Variants in TAF1B observed in about 807,000 individuals in gnomAD.
The protein encoded by TAF1B is TATA-box binding protein associated factor, RNA polymerase I subunit B, also known as TATA box-binding protein-associated factor RNA polymerase I subunit B.
A neutral mutation model predicts 83.9 loss-of-function variants in TAF1B; 61 were observed. The ratio of observed to expected loss-of-function variants is 0.73; its 90% confidence interval spans 0.59 to 0.90. The LOEUF (loss-of-function observed/expected upper bound fraction) is 0.90, where lower values mean the gene tolerates loss of function less well. Ranked by LOEUF, TAF1B falls within the 40% of genes least tolerant of loss-of-function variation. The pLI, the probability that TAF1B is intolerant of heterozygous loss-of-function variation, is 0.00. For missense variants in TAF1B, 625 were observed against 677.0 expected, an observed-to-expected ratio of 0.92 and a Z score of 0.85; for synonymous variants, 221 against 224.6, an observed-to-expected ratio of 0.98 and a Z score of 0.14.
Position 9,854,769 on chromosome 2 carries a change from A to C in TAF1B, c.399+348A>C, listed in dbSNP as rs187536293. Reference sequence around the variant, plus strand: ...AATGTATTTATTCTGTTTGCTTGGAATACCTACTTACTTTATGTGGCATTT... The same window carrying C: ...AATGTATTTATTCTGTTTGCTTGGACTACCTACTTACTTTATGTGGCATTT... On this transcript the variant is annotated intron_variant, in intron 5 of 14. Coordinates refer to ENST00000263663, the MANE Select transcript of TAF1B (RefSeq NM_005680.3). 6.7e-3 allele frequency among the ~76,000 whole-genome samples: 1,027 copies of C among 152,304 alleles called. 11 individuals are homozygous for C. The highest frequency in any genetic ancestry group is 0.022 in the African/African-American group (899 of 41,556).
chr2:9,924,345 C>G (rs1445992159), intron 14 of TAF1B, among the ~76,000 whole-genome samples: 1 of 152,164 alleles, frequency 6.6e-6, no homozygotes, highest in Non-Finnish European at 1.5e-5. Context: ...TTCCAAACTC[C>G]TCATCATCAA....
At chr2:9,908,402 T>G (rs1341249155) in intron 9 of TAF1B, among the ~76,000 whole-genome samples, 2 of 152,180 alleles carry the variant, frequency 1.3e-5, no homozygotes, top group Admixed American at 1.3e-4. Flanking sequence ...TTTTTTAGAA[T>G]AATAATACTA....
chr2:9,862,433 A>G (rs1663805906), intron 5 of TAF1B, among the ~76,000 whole-genome samples: 1 of 152,224 alleles, frequency 6.6e-6, no homozygotes, highest in Non-Finnish European at 1.5e-5. Context: ...TCCCAGAAAT[A>G]TGGGACTATG....
At chr2:9,907,312 A>G (rs1385584637) in intron 9 of TAF1B, among the ~76,000 whole-genome samples, 1 of 152,038 alleles carries the variant, frequency 6.6e-6, no homozygotes, top group East Asian at 1.9e-4. Context: ...TAAGATTACA[A>G]GAGTATTTCC....
chr2:9,854,989 G>A (rs1353702661), intron 5 of TAF1B, among the ~76,000 whole-genome samples: 1 of 145,706 alleles, frequency 6.9e-6, no homozygotes, highest in Non-Finnish European at 1.5e-5. Context: ...AATTTTTTTT[G>A]TTCATTTGTT....
intron 12 of TAF1B, among the ~76,000 whole-genome samples, chr2:9,915,619 AAAAC>A (rs1376715825): frequency 2.0e-5 from 3 of 152,192 alleles, no homozygotes; most frequent in African/African-American, 7.2e-5. Flanking sequence ...AAACAAAACA[AAAAC>A]AAAAACTGAT....
At chr2:9,862,829 A>G (rs1475373993) in intron 5 of TAF1B, among the ~76,000 whole-genome samples, 1 of 152,238 alleles carries the variant, frequency 6.6e-6, no homozygotes, top group Non-Finnish European at 1.5e-5. Flanking sequence ...CTATAATTTC[A>G]TATCCAGCCA....
In TAF1B at chr2:9,904,835, A is replaced by G. The variant is rs377093361; in HGVS notation, c.808-24A>G. 10 of 1,600,770 alleles carry G rather than the reference A, an allele frequency of 6.2e-6. No homozygotes were observed. The Admixed American group carries it at 7.0e-5, about 11-fold the overall frequency. On this transcript the variant is annotated intron_variant, in intron 8 of 14. Coordinates refer to ENST00000263663, the MANE Select transcript of TAF1B (RefSeq NM_005680.3). ...AAGTTTTGTTGCAAAAATTGCAACT[A>G]TGATGGTCTCTCTTTTATTTCAGTC...
At chr2:9,870,130 ACT>A (rs1164399210) in intron 6 of TAF1B, among the ~76,000 whole-genome samples, 2 of 152,050 alleles carry the variant, frequency 1.3e-5, no homozygotes, top group Admixed American at 6.6e-5. Context: ...TTAAATCAAA[ACT>A]CTACAAATCA....
rs543757476 is a variant in TAF1B at position 9,896,320 on chromosome 2, C to T, written c.808-8539C>T. Among the ~76,000 whole-genome samples, 79 of 152,174 alleles carry T rather than the reference C, an allele frequency of 5.2e-4. 1 individual carries two copies. The highest frequency in any genetic ancestry group is 1.8e-3 in the African/African-American group (73 of 41,542). On this transcript the variant is annotated intron_variant, in intron 8 of 14. Transcript: ENST00000263663. Reference sequence around the variant, plus strand: ...CTTCATTGTGTGCTTTTTGCTATTGCTCACAAAAGTGCATTCACTATTCTA... The same window carrying T: ...CTTCATTGTGTGCTTTTTGCTATTGTTCACAAAAGTGCATTCACTATTCTA...
rs16867200 is a variant in TAF1B, at chr2:9,854,443, T to C, written c.399+22T>C. On this transcript the variant is annotated intron_variant, in intron 5 of 14. Coordinates refer to ENST00000263663, the MANE Select transcript of TAF1B (RefSeq NM_005680.3). Reference sequence around the variant, plus strand: ...TACGGTAAGTCACAAGTCTGAAAAGTTGGATTAAAAAACATGTCTGTTGAG... The same window carrying C: ...TACGGTAAGTCACAAGTCTGAAAAGCTGGATTAAAAAACATGTCTGTTGAG... 4,440 of 1,582,174 alleles carry C rather than the reference T, an allele frequency of 2.8e-3. 103 individuals carry two copies. The African/African-American group carries it at 0.051, about 18-fold the overall frequency.
chr2:9,916,278 A>T (rs1665678808), intron 12 of TAF1B, among the ~76,000 whole-genome samples: 1 of 152,234 alleles, frequency 6.6e-6, no homozygotes, highest in Admixed American at 6.5e-5. Context: ...TATAGATAAC[A>T]TGTAACTGGA....
intron 11 of TAF1B, among the ~76,000 whole-genome samples, chr2:9,912,868 G>C (rs1665575231): frequency 1.3e-5 from 2 of 152,168 alleles, no homozygotes; most frequent in Non-Finnish European, 2.9e-5. Context: ...AGGTCATATT[G>C]GATTAAACAA....
intron 9 of TAF1B, among the ~76,000 whole-genome samples, chr2:9,907,275 A>C (rs1241903797): frequency 6.6e-6 from 1 of 151,828 alleles, no homozygotes; most frequent in Non-Finnish European, 1.5e-5. Context: ...TAAAATGTTT[A>C]CAGTTGGTTT....
intron 6 of TAF1B, among the ~76,000 whole-genome samples, chr2:9,873,820 A>G (rs183224821): frequency 6.6e-6 from 1 of 152,016 alleles, no homozygotes; most frequent in African/African-American, 2.4e-5. Flanking sequence ...CTGCAATGCT[A>G]CCGCTCCAGT....
chr2:9,872,142 G>A (rs981088830), intron 6 of TAF1B, among the ~76,000 whole-genome samples: 3 of 151,836 alleles, frequency 2.0e-5, no homozygotes, highest in Admixed American at 6.6e-5. Flanking sequence ...CCTGGCCAAC[G>A]TAGTGAAACT....
chr2:9,911,466 A>T, intron 10 of TAF1B, 45 bp from the exon 11 acceptor site: 1 of 1,403,528 alleles, frequency 7.1e-7, no homozygotes, highest in Non-Finnish European at 9.7e-7. Context: ...ATCTTTCCAA[A>T]TACATGACTT....
chr2:9,855,028 CTT>C (rs1209029309), intron 5 of TAF1B, among the ~76,000 whole-genome samples: 1 of 152,140 alleles, frequency 6.6e-6, no homozygotes, highest in East Asian at 1.9e-4. Context: ...GAGTTTCACT[CTT>C]GTTGCCCAGG....
chr2:9,861,264 C>T (rs918861945), intron 5 of TAF1B, among the ~76,000 whole-genome samples: 5 of 152,256 alleles, frequency 3.3e-5, no homozygotes, highest in Non-Finnish European at 5.9e-5. Context: ...CTGCGCTTTT[C>T]GAACGGGCTT....
Sources: allele counts gnomAD v4.1 joint callset (sites outside exome capture counted in the v4.1 genomes callset), GRCh38; gene constraint gnomAD v4.1.1; transcripts MANE v1.5; gene names NCBI Gene and HGNC (gene_info 2026-07-23, HGNC 2026-07-21).